Variants in NCOA5 observed in about 807,000 individuals in gnomAD.
The protein encoded by NCOA5 is nuclear receptor coactivator 5, also known as NCoA-5.
NCOA5 carries 12 observed loss-of-function variants against 59.0 expected under a neutral mutation model. The ratio of observed to expected loss-of-function variants is 0.20; its 90% CI spans 0.13 to 0.33. The LOEUF (loss-of-function observed/expected upper bound fraction) is 0.33. Ranked by LOEUF, NCOA5 falls within the 10% of genes least tolerant of loss-of-function variation. The pLI, the probability that NCOA5 is intolerant of heterozygous loss-of-function variation, is 1.00. For synonymous variants in NCOA5, 270 were observed against 275.5 expected (o/e 0.98, Z 0.20); for missense variants, 655 against 766.6 (o/e 0.85, Z 1.72).
At chr20:46,087,620 G>A (rs2145558476) in intron 1 of NCOA5, among the ~76,000 whole-genome samples, 2 of 152,278 alleles carry the variant, frequency 1.3e-5, no homozygotes, top group East Asian at 1.9e-4. Flanking sequence ...TTAGCCGGGC[G>A]TGGTGGCGCA....
chr20:46,077,898 T>C (rs562833753), intron 2 of NCOA5, among the ~76,000 whole-genome samples: 11 of 152,342 alleles, frequency 7.2e-5, no homozygotes, highest in Admixed American at 1.3e-4. Flanking sequence ...AAAGCAGACA[T>C]TATACGGAAC....
intron 2 of NCOA5, among the ~76,000 whole-genome samples, chr20:46,074,780 A>G (rs1395911547): frequency 6.6e-6 from 1 of 152,208 alleles, no homozygotes; most frequent in Non-Finnish European, 1.5e-5. Context: ...ATCATCTTGG[A>G]AAACTGTGAT....
Position 46,062,855 on chromosome 20 carries a change from C to T in NCOA5, c.1185G>A (p.Ser395=), listed in dbSNP as rs767439998. Residue 395 remains serine (S), a synonymous_variant, in exon 8 of 8, where the codon TCG becomes TCA. Transcript: ENST00000290231. ...PISRQPLGAT[S]GASLKTQPSS... The stretch of plus-strand genomic sequence containing the variant: ...TTGGCTGTGTCTTCAGCGAGGCACC[C>T]GAGGTCGCCCCGAGTGGTTGGCGGG... The T allele has an allele frequency of 1.2e-5, 19 of 1,522,228 alleles. No individual in the cohort carries two copies. Among genetic ancestry groups the T allele is most frequent in the East Asian group, 9.1e-5 (4 of 44,078 alleles). 94.3% of individuals were successfully genotyped at this position (1,522,228 alleles called of 1,614,324 possible).
chr20:46,082,114 T>C (rs2084998082), intron 1 of NCOA5, among the ~76,000 whole-genome samples: 2 of 152,006 alleles, frequency 1.3e-5, no homozygotes, highest in South Asian at 2.1e-4. Context: ...ATATTGAGAA[T>C]GCTAAAGCAC....
chr20:46,088,329 G>C (rs946812241), intron 1 of NCOA5, among the ~76,000 whole-genome samples: 2 of 152,152 alleles, frequency 1.3e-5, no homozygotes, highest in Non-Finnish European at 1.5e-5. Context: ...AGGTTTCAAA[G>C]GCAATCTGAA....
chr20:46,067,856 T>C (rs949660166), intron 4 of NCOA5, among the ~76,000 whole-genome samples: 1 of 152,056 alleles, frequency 6.6e-6, no homozygotes, highest in Non-Finnish European at 1.5e-5. Flanking sequence ...ATAATGCAGA[T>C]AGTCAGTCAT....
At chr20:46,088,099 C>T (rs1320119224) in intron 1 of NCOA5, among the ~76,000 whole-genome samples, 2 of 152,126 alleles carry the variant, frequency 1.3e-5, no homozygotes, top group Non-Finnish European at 2.9e-5. Flanking sequence ...ATTAAATCTG[C>T]TCTTACATTC....
Position 46,062,084 on chromosome 20 carries a change from A to T in NCOA5, c.*216T>A. The T allele has an allele frequency of 2.1e-6, 1 of 468,024 alleles. No individual in the cohort carries two copies. The highest frequency in any genetic ancestry group is 3.8e-6 in the Non-Finnish European group (1 of 265,890). The allele number at this position is 468,024 out of a possible 1,614,324, so 29.0% of individuals were successfully genotyped here. ...GGAGATATTTATTTTCTACAAAACA[A>T]AAAACAAAAAAAGATACAGCCCCAA... On this transcript the variant is annotated 3_prime_UTR_variant, in exon 8 of 8. Transcript: ENST00000290231.
intron 6 of NCOA5, 89 bp from the exon 7 acceptor site, chr20:46,063,769 T>A: frequency 2.4e-6 from 3 of 1,267,394 alleles, no homozygotes; most frequent in Non-Finnish European, 3.2e-6. Context: ...CCTAACCTCA[T>A]ACCAGCAAGA....
At chr20:46,075,639 C>T (rs2084929770) in intron 2 of NCOA5, among the ~76,000 whole-genome samples, 1 of 152,116 alleles carries the variant, frequency 6.6e-6, no homozygotes, top group Non-Finnish European at 1.5e-5. Context: ...ACTTCTTGTA[C>T]CTAGAGGCCA....
chr20:46,067,018 T>C (rs2084831240), intron 5 of NCOA5, 37 bp downstream of exon 5: 1 of 1,605,302 alleles, frequency 6.2e-7, no homozygotes, highest in African/African-American at 1.3e-5. Context: ...TCTCTGACTC[T>C]TCTCCTTACT....
rs1483597773 is a variant in NCOA5 at position 46,086,263 on chromosome 20, T to C, written c.-30+3554A>G. On this transcript the variant is annotated intron_variant, in intron 1 of 7. Coordinates refer to ENST00000290231, the MANE Select transcript of NCOA5 (RefSeq NM_020967.3). ...AAGCTGCCCTGATCCTTGCCTAAAG[T>C]TGTCTGGTCTTTACATAGGATGTCT... 2.6e-5 allele frequency among the ~76,000 whole-genome samples: 4 copies of C among 152,240 alleles called. No individual in the cohort carries two copies. In the East Asian group the frequency reaches 7.7e-4, roughly 29 times the overall value.
chr20:46,074,357 A>G (rs752900883), intron 2 of NCOA5, among the ~76,000 whole-genome samples: 2 of 152,202 alleles, frequency 1.3e-5, no homozygotes, highest in African/African-American at 2.4e-5. Context: ...TTTCTGGAGC[A>G]TAATAAGGTT....
At position 46,062,449 on chromosome 20, in the gene NCOA5, T is replaced by C; in HGVS notation, c.1591A>G (p.Thr531Ala). ...NMTSQRPVSSTGINFDNPSVQ... is the reference protein window; with the variant it reads ...NMTSQRPVSSAGINFDNPSVQ... The stretch of plus-strand genomic sequence containing the variant: ...CTTGGATTGTCAAAGTTGATACCTG[T>C]GGAAGACACAGGCCTCTGGCTAGTC... The change falls in exon 8 of 8, where the codon ACA (threonine) becomes GCA (alanine). Residue 531 changes from threonine to alanine, a missense_variant. Thr to Ala is a moderately conservative substitution (Grantham distance 58, BLOSUM62 0). This residue lies in a region of NCOA5 where 325 missense variants were observed against 353.2 expected (regional missense o/e 0.92). Coordinates refer to ENST00000290231, the MANE Select transcript of NCOA5 (RefSeq NM_020967.3). 6.2e-7 allele frequency: 1 copy of C among 1,614,074 alleles called. No homozygotes were observed. Among genetic ancestry groups the C allele is most frequent in the Non-Finnish European group, 8.5e-7 (1 of 1,180,002 alleles).
At chr20:46,077,453 A>T (rs959521857) in intron 2 of NCOA5, among the ~76,000 whole-genome samples, 1 of 152,218 alleles carries the variant, frequency 6.6e-6, no homozygotes, top group Non-Finnish European at 1.5e-5. Context: ...AAGTATCATT[A>T]ACAGGATGAT....
intron 1 of NCOA5, among the ~76,000 whole-genome samples, chr20:46,089,466 T>G (rs1985097598): frequency 6.6e-6 from 1 of 152,166 alleles, no homozygotes; most frequent in Non-Finnish European, 1.5e-5. Flanking sequence ...CTCCACCGTT[T>G]CGACAGGGGG....
chr20:46,073,022 T>C (rs534125782), intron 2 of NCOA5, among the ~76,000 whole-genome samples: 2 of 152,208 alleles, frequency 1.3e-5, no homozygotes, highest in Admixed American at 1.3e-4. Context: ...TGTTCTGTAA[T>C]TGTTTACGTG....
At chr20:46,063,277 G>T in intron 7 of NCOA5, 83 bp downstream of exon 7, 1 of 1,435,900 alleles carries the variant, frequency 7.0e-7, no homozygotes, top group South Asian at 1.3e-5. Context: ...AAAGAGCCCT[G>T]GGCCTGACAC....
At chr20:46,068,409 C>A (rs959636644) in intron 4 of NCOA5, 93 bp downstream of exon 4, 5 of 1,374,206 alleles carry the variant, frequency 3.6e-6, no homozygotes, top group African/African-American at 1.5e-5. Flanking sequence ...AGGCACTAGC[C>A]CTTTTTCAGA....
Sources: allele counts gnomAD v4.1 joint callset (sites outside exome capture counted in the v4.1 genomes callset), GRCh38; gene constraint gnomAD v4.1.1; regional missense constraint gnomAD v4.1.1; transcripts MANE v1.5; gene names NCBI Gene and HGNC (gene_info 2026-07-23, HGNC 2026-07-21).